NWD2: variants seen among roughly 807,000 people sequenced by gnomAD.
The protein encoded by NWD2 is NACHT and WD repeat domain containing 2.
A neutral mutation model predicts 132.7 loss-of-function variants in NWD2; 37 were observed. That is an observed-to-expected ratio of 0.28 (90% CI 0.21 to 0.37). The LOEUF is 0.37. NWD2 is among the 10% of genes least tolerant of loss of function. The pLI is 1.00. For synonymous variants in NWD2, 705 were observed against 803.0 expected (o/e 0.88, Z 2.06); for missense variants, 1,592 against 2,122.4 (o/e 0.75, Z 4.91).
chr4:37,297,919 T>C (rs1247079758), intron 1 of NWD2, among the ~76,000 whole-genome samples: 1 of 152,118 alleles, frequency 6.6e-6, no homozygotes, highest in Non-Finnish European at 1.5e-5. Context: ...TCCAAGATTC[T>C]CTACCACAAA....
intron 1 of NWD2, among the ~76,000 whole-genome samples, chr4:37,293,759 A>G (rs115372300): frequency 9.2e-5 from 14 of 152,316 alleles, no homozygotes; most frequent in African/African-American, 3.4e-4. Context: ...AATGACGTTA[A>G]GGATTTAAAG....
chr4:37,419,147 A>G (rs1217562361), intron 3 of NWD2, among the ~76,000 whole-genome samples: 2 of 152,164 alleles, frequency 1.3e-5, no homozygotes, highest in African/African-American at 2.4e-5. Context: ...CAAGCAGTGG[A>G]TAAAATATTC....
Position 37,244,966 on chromosome 4 carries a change from G to A in NWD2, c.-102G>A. On this transcript the variant is annotated 5_prime_UTR_variant, in exon 1 of 7. Coordinates refer to ENST00000309447, the MANE Select transcript of NWD2 (RefSeq NM_001144990.2). This position sits in a 1 kb window ranked among gnomAD's most constrained non-coding sequence, Gnocchi z 5.5. ...GGAGCGGCTCTGAGCCGCGCCGCCT[G>A]CTGAGATCGACCGCCTGCTGAGCCG... 1 of 1,468,834 alleles carries A rather than the reference G, an allele frequency of 6.8e-7. No individual in the cohort carries two copies. The highest frequency in any genetic ancestry group is 9.1e-7 in the Non-Finnish European group (1 of 1,097,498). The allele number at this position is 1,468,834 out of a possible 1,614,324, so 91.0% of individuals were successfully genotyped here.
At chr4:37,431,725 C>T (rs1456455354) in intron 4 of NWD2, among the ~76,000 whole-genome samples, 1 of 152,130 alleles carries the variant, frequency 6.6e-6, no homozygotes, top group African/African-American at 2.4e-5. Context: ...CAAAACATCA[C>T]ATTGTGCACC....
At chr4:37,317,509 G>A (rs1776546) in intron 1 of NWD2, among the ~76,000 whole-genome samples, 11,037 of 152,142 alleles carry the variant, frequency 0.073, 1,222 homozygotes, top group African/African-American at 0.24. Context: ...AAACTTCTCT[G>A]GCGATGATGT....
At chr4:37,371,066 TTTTTTCTTTTTC>T (rs1466639548) in intron 3 of NWD2, among the ~76,000 whole-genome samples, 1 of 94,468 alleles carries the variant, frequency 1.1e-5, no homozygotes, top group South Asian at 4.6e-4. Flanking sequence ...AGTTCAATTT[TTTTTTCTTTTTC>T]TTTTTTTTTT....
chr4:37,309,949 T>C (rs139775828), intron 1 of NWD2, among the ~76,000 whole-genome samples: 1 of 152,352 alleles, frequency 6.6e-6, no homozygotes, highest in East Asian at 1.9e-4. Context: ...CTCAGCTATC[T>C]TGATAACATC....
chr4:37,406,265 C>A (rs931317393), intron 3 of NWD2, among the ~76,000 whole-genome samples: 1 of 152,064 alleles, frequency 6.6e-6, no homozygotes, highest in African/African-American at 2.4e-5. Flanking sequence ...TGAAACAGAC[C>A]GACACATCCC....
intron 3 of NWD2, among the ~76,000 whole-genome samples, chr4:37,415,906 T>C (rs1199648790): frequency 6.6e-6 from 1 of 152,136 alleles, no homozygotes; most frequent in Admixed American, 6.5e-5. Flanking sequence ...CTCAGGCCCA[T>C]GATGCACAGG....
chr4:37,428,878 C>A (rs1425273632), intron 3 of NWD2, among the ~76,000 whole-genome samples: 1 of 152,154 alleles, frequency 6.6e-6, no homozygotes, highest in East Asian at 1.9e-4. Flanking sequence ...ATTACAGGCA[C>A]ACACCACCAT....
intron 1 of NWD2, among the ~76,000 whole-genome samples, chr4:37,305,228 G>A (rs541419716): frequency 1.2e-4 from 18 of 152,216 alleles, no homozygotes; most frequent in Non-Finnish European, 2.4e-4. Flanking sequence ...CAGGGAACCT[G>A]TTTCAGGCCA....
At position 37,314,966 on chromosome 4, in the gene NWD2, T is replaced by A. The variant is rs541787982; in HGVS notation, c.152-10970T>A. Among the ~76,000 whole-genome samples the A allele has an allele frequency of 2.0e-5, 3 of 152,302 alleles. No homozygotes were observed. The East Asian group carries it at 5.8e-4, about 29-fold the overall frequency. ...TTTTAGCGTGTGCTTTTATTTTATC[T>A]ATTTCAACACATTTTGTTTTCCTTT... On this transcript the variant is annotated intron_variant, in intron 1 of 6. Transcript: ENST00000309447.
At chr4:37,290,631 T>G (rs1271514132) in intron 1 of NWD2, among the ~76,000 whole-genome samples, 4 of 152,148 alleles carry the variant, frequency 2.6e-5, no homozygotes, top group African/African-American at 9.7e-5. Context: ...AGACCACAGA[T>G]GTGTGGAAAC....
At chr4:37,365,069 C>A (rs1370540316) in intron 3 of NWD2, among the ~76,000 whole-genome samples, 2 of 152,172 alleles carry the variant, frequency 1.3e-5, no homozygotes, top group East Asian at 3.8e-4. Context: ...TCCTTCTCAC[C>A]TTCTCATCAC....
intron 3 of NWD2, among the ~76,000 whole-genome samples, chr4:37,420,192 C>T (rs925082917): frequency 7.9e-5 from 12 of 152,126 alleles, no homozygotes; most frequent in African/African-American, 2.9e-4. Context: ...GTCCATTGTT[C>T]CATTGCTCTA....
chr4:37,378,168 C>T (rs563757451), intron 3 of NWD2, among the ~76,000 whole-genome samples: 4 of 152,268 alleles, frequency 2.6e-5, no homozygotes, highest in African/African-American at 4.8e-5. Context: ...CCCACCCTCC[C>T]GAACTTATGT....
intron 2 of NWD2, among the ~76,000 whole-genome samples, chr4:37,345,668 G>T (rs1026103491): frequency 1.3e-5 from 2 of 151,922 alleles, no homozygotes; most frequent in African/African-American, 4.8e-5. Flanking sequence ...AACCTTCTTG[G>T]TACTGTCATT....
chr4:37,422,105 C>A (rs1390315183), intron 3 of NWD2, among the ~76,000 whole-genome samples: 2 of 152,174 alleles, frequency 1.3e-5, no homozygotes, highest in African/African-American at 4.8e-5. Context: ...GTAGTTAGGG[C>A]TTCAACATAG....
chr4:37,288,971 A>C (rs1464520670), intron 1 of NWD2, among the ~76,000 whole-genome samples: 2 of 152,164 alleles, frequency 1.3e-5, no homozygotes, highest in African/African-American at 4.8e-5. Flanking sequence ...TATAAAATAT[A>C]CTAGTAATTG....
Sources: gnomAD v4.1 joint callset for allele counts (sites outside exome capture counted in the v4.1 genomes callset) on GRCh38, gnomAD v4.1.1 for gene constraint, Gnocchi (gnomAD v3.1) non-coding constraint, MANE v1.5 for transcripts, NCBI Gene and HGNC (gene_info 2026-07-23, HGNC 2026-07-21) for gene names.